Variants in LYZL4 observed in about 807,000 individuals in gnomAD.
LYZL4 encodes lysozyme like 4, also known as lysozyme-like protein 4.
Under a neutral mutation model 17.6 loss-of-function variants are expected in LYZL4, and 13 were observed. The ratio of observed to expected loss-of-function variants is 0.74; its 90% confidence interval spans 0.48 to 1.18. LYZL4 has a LOEUF of 1.18. Among genes scored for constraint, LYZL4 ranks in the 50% most tolerant of loss-of-function variants. The pLI, the probability that LYZL4 is intolerant of heterozygous loss-of-function variation, is 0.00. For synonymous variants in LYZL4, 64 were observed against 67.7 expected (o/e 0.95, Z 0.27); for missense variants, 174 against 188.2 (o/e 0.92, Z 0.44).
chr3:42,388,452 C>T, the LYZL4 span, among the ~76,000 whole-genome samples: 158 of 152,340 alleles, frequency 1.0e-3, no homozygotes, highest in Admixed American at 2.7e-3. Flanking sequence ...TCAACCCAAG[C>T]TCCTTCTACC....
Position 42,406,842 on chromosome 3 carries a change from T to C in LYZL4, c.292+4A>G, listed in dbSNP as rs1295277502. The C allele has an allele frequency of 3.7e-6, 6 of 1,613,758 alleles. No individual in the cohort carries two copies. Among genetic ancestry groups the C allele is most frequent in the Non-Finnish European group, 5.1e-6 (6 of 1,180,048 alleles). Reference sequence around the variant, plus strand: ...CCCCGCACGGAATGGAAAGAGGGACTTACCGGAACATGACATATGGCAGCG... The same window carrying C: ...CCCCGCACGGAATGGAAAGAGGGACCTACCGGAACATGACATATGGCAGCG... On this transcript the variant is annotated splice_donor_region_variant and intron_variant, in intron 3 of 4. Coordinates refer to ENST00000287748, the MANE Select transcript of LYZL4 (RefSeq NM_144634.4).
the LYZL4 span, among the ~76,000 whole-genome samples, chr3:42,381,609 T>C: frequency 1.3e-5 from 2 of 152,200 alleles, no homozygotes; most frequent in Non-Finnish European, 2.9e-5. Flanking sequence ...AATTGGAATG[T>C]TCTGGAAGGA....
the LYZL4 span, among the ~76,000 whole-genome samples, chr3:42,390,790 C>T: frequency 3.3e-5 from 5 of 152,260 alleles, no homozygotes; most frequent in South Asian, 1.0e-3. Context: ...GCAAATAACC[C>T]TTGGCTGATA....
rs1343318269 is a variant in LYZL4 at position 42,397,220 on chromosome 3, T to C, written c.*45A>G. ...AGCAGCAAGCAGAAAAGCACCTTCA[T>C]TCACAAGATGCAACTGGTGAGTGCT... On this transcript the variant is annotated 3_prime_UTR_variant, in exon 5 of 5. Coordinates refer to ENST00000287748, the MANE Select transcript of LYZL4 (RefSeq NM_144634.4). 2 of 1,340,578 alleles carry C rather than the reference T, an allele frequency of 1.5e-6. No individual in the cohort carries two copies. The highest frequency in any genetic ancestry group is 2.1e-6 in the Non-Finnish European group (2 of 959,210). 83.0% of individuals were successfully genotyped at this position (1,340,578 alleles called of 1,614,324 possible).
chr3:42,369,572 C>G, the LYZL4 span, among the ~76,000 whole-genome samples: 1 of 152,320 alleles, frequency 6.6e-6, no homozygotes, highest in South Asian at 2.1e-4. Context: ...CAGCGCCTAG[C>G]AGGATGCAGT....
At chr3:42,399,422 C>T (rs539974400) in intron 4 of LYZL4, among the ~76,000 whole-genome samples, 50 of 152,278 alleles carry the variant, frequency 3.3e-4, no homozygotes, top group East Asian at 7.7e-4. Flanking sequence ...AAAAATGGAA[C>T]GAACTAAATT....
chr3:42,386,851 A>T, the LYZL4 span, among the ~76,000 whole-genome samples: 165 of 152,330 alleles, frequency 1.1e-3, no homozygotes, highest in African/African-American at 3.8e-3. Context: ...ATAATCTTAT[A>T]TTGAAGGAAT....
At chr3:42,404,288 A>G (rs180671300) in intron 3 of LYZL4, among the ~76,000 whole-genome samples, 164 bp from the exon 4 acceptor site, 12 of 152,320 alleles carry the variant, frequency 7.9e-5, no homozygotes, top group African/African-American at 2.9e-4. Flanking sequence ...AGGTAGCAGG[A>G]TGGAGTCATC....
chr3:42,367,182 A>G, the LYZL4 span, among the ~76,000 whole-genome samples: 1 of 152,152 alleles, frequency 6.6e-6, no homozygotes, highest in Non-Finnish European at 1.5e-5. Context: ...CCCCACACAC[A>G]TACCCTAGAA....
the LYZL4 span, among the ~76,000 whole-genome samples, chr3:42,380,963 G>A: frequency 2.6e-5 from 4 of 152,230 alleles, no homozygotes; most frequent in Admixed American, 6.5e-5. Context: ...ATATAGTTGT[G>A]TGGTTGGGTT....
At chr3:42,387,092 T>C in the LYZL4 span, among the ~76,000 whole-genome samples, 4 of 152,218 alleles carry the variant, frequency 2.6e-5, no homozygotes, top group African/African-American at 7.2e-5. Flanking sequence ...CATATTTTAT[T>C]TCTTCATTTC....
chr3:42,384,125 C>A, the LYZL4 span, among the ~76,000 whole-genome samples: 2 of 152,052 alleles, frequency 1.3e-5, no homozygotes, highest in African/African-American at 2.4e-5. Flanking sequence ...GAACTAGAAT[C>A]AAAAATGGCT....
At chr3:42,362,879 T>G in the LYZL4 span, among the ~76,000 whole-genome samples, 2 of 152,184 alleles carry the variant, frequency 1.3e-5, no homozygotes, top group Admixed American at 1.3e-4. Context: ...CTAACTCAAC[T>G]AAGTGATTCA....
the LYZL4 span, among the ~76,000 whole-genome samples, chr3:42,383,629 G>A: frequency 5.3e-5 from 8 of 151,842 alleles, no homozygotes; most frequent in African/African-American, 1.9e-4. Context: ...GCTGCCAGAA[G>A]AAACTAACAA....
the LYZL4 span, among the ~76,000 whole-genome samples, chr3:42,390,604 G>C: frequency 6.6e-6 from 1 of 151,560 alleles, no homozygotes; most frequent in Admixed American, 6.6e-5. Flanking sequence ...GCAGTGGCAC[G>C]ATCTCGGCTC....
chr3:42,378,367 A>G, the LYZL4 span, among the ~76,000 whole-genome samples: 1 of 152,140 alleles, frequency 6.6e-6, no homozygotes, highest in Non-Finnish European at 1.5e-5. Flanking sequence ...TTCCTTTGCC[A>G]AAGTTATATA....
intron 1 of LYZL4, among the ~76,000 whole-genome samples, chr3:42,407,758 G>A (rs1027616531): frequency 6.6e-6 from 1 of 150,958 alleles, no homozygotes; most frequent in Non-Finnish European, 1.5e-5. Flanking sequence ...CTACCGACCT[G>A]TTGAATTATG....
the LYZL4 span, among the ~76,000 whole-genome samples, chr3:42,385,863 G>T: frequency 6.6e-6 from 1 of 152,168 alleles, no homozygotes; most frequent in Non-Finnish European, 1.5e-5. Context: ...AATTGTGTTG[G>T]TTTCTATTGC....
At chr3:42,374,404 C>T in the LYZL4 span, among the ~76,000 whole-genome samples, 1 of 152,128 alleles carries the variant, frequency 6.6e-6, no homozygotes, top group Non-Finnish European at 1.5e-5. Context: ...CTTGTAAGTA[C>T]TTCTTGACCT....
Sources: allele counts gnomAD v4.1 joint callset (sites outside exome capture counted in the v4.1 genomes callset), GRCh38; gene constraint gnomAD v4.1.1; transcripts MANE v1.5; gene names NCBI Gene and HGNC (gene_info 2026-07-23, HGNC 2026-07-21).